The following RFX4 variants were observed in gnomAD, a reference collection of about 807,000 sequenced individuals.
RFX4 encodes regulatory factor X4, also known as transcription factor RFX4.
Under a neutral mutation model 95.0 loss-of-function variants are expected in RFX4, and 10 were observed. That is an observed-to-expected ratio of 0.11 (90% confidence interval 0.06 to 0.18). The LOEUF (loss-of-function observed/expected upper bound fraction) is 0.18, where lower values mean the gene tolerates loss of function less well. Among genes scored for constraint, RFX4 ranks in the 10% least tolerant of loss-of-function variants. The probability of loss-of-function intolerance (pLI) is 1.00; values close to 1 mark genes in which losing one functional copy is unlikely to be tolerated. For synonymous variants in RFX4, 321 were observed against 340.7 expected (o/e 0.94, Z 0.64); for missense variants, 640 against 922.0 (o/e 0.69, Z 3.96).
chr12:106,690,604 GCTCCT>G (rs2041761091), intron 7 of RFX4, among the ~76,000 whole-genome samples: 1 of 152,008 alleles, frequency 6.6e-6, no homozygotes, highest in Non-Finnish European at 1.5e-5. Flanking sequence ...AGGGACTCAG[GCTCCT>G]TCCACCCTGC....
At chr12:106,731,804 A>G (rs2042616723) in intron 13 of RFX4, among the ~76,000 whole-genome samples, 1 of 152,176 alleles carries the variant, frequency 6.6e-6, no homozygotes, top group South Asian at 2.1e-4. Flanking sequence ...TGCTCACATG[A>G]GGATGAGGCC....
chr12:106,644,482 C>A (rs2040701909), intron 3 of RFX4, among the ~76,000 whole-genome samples: 1 of 152,166 alleles, frequency 6.6e-6, no homozygotes, highest in African/African-American at 2.4e-5. Context: ...ATCCACCGGC[C>A]TCAGCCTCCC....
At chr12:106,678,491 GA>G (rs927035088) in intron 4 of RFX4, among the ~76,000 whole-genome samples, 22 of 152,062 alleles carry the variant, frequency 1.4e-4, no homozygotes, top group Middle Eastern at 6.8e-3. Flanking sequence ...AGGAAAGAAA[GA>G]AAAAAATAAC....
intron 4 of RFX4, among the ~76,000 whole-genome samples, chr12:106,665,136 A>G (rs946398926): frequency 5.9e-5 from 9 of 151,728 alleles, no homozygotes; most frequent in South Asian, 2.1e-4. Flanking sequence ...TTGCAGTTCT[A>G]TTAGTTTTGG....
intron 1 of RFX4, among the ~76,000 whole-genome samples, chr12:106,598,942 A>C (rs991997864): frequency 6.6e-6 from 1 of 152,228 alleles, no homozygotes; most frequent in African/African-American, 2.4e-5. Context: ...AAGTTGAGGG[A>C]AAATGAAATT....
chr12:106,736,786 G>A (rs1003629529), intron 15 of RFX4, among the ~76,000 whole-genome samples: 1 of 152,050 alleles, frequency 6.6e-6, no homozygotes, highest in Non-Finnish European at 1.5e-5. Context: ...CTCTGGTTCA[G>A]GCCACCCCCA....
At chr12:106,625,046 A>G (rs192780797) in intron 2 of RFX4, among the ~76,000 whole-genome samples, 2 of 152,240 alleles carry the variant, frequency 1.3e-5, no homozygotes, top group African/African-American at 4.8e-5. Flanking sequence ...GGAATGGGAG[A>G]CTATTCAGTT....
chr12:106,619,584 T>C (rs769913201), intron 2 of RFX4, among the ~76,000 whole-genome samples: 35 of 152,332 alleles, frequency 2.3e-4, no homozygotes, highest in Non-Finnish European at 4.1e-4. Flanking sequence ...TTGTTTTTAT[T>C]CTTCTTGGGG....
At chr12:106,649,539 C>T (rs1279722181) in intron 3 of RFX4, among the ~76,000 whole-genome samples, 7 of 152,152 alleles carry the variant, frequency 4.6e-5, no homozygotes, top group Admixed American at 4.6e-4. Context: ...CCTGTGTGAA[C>T]CATGACTTAC....
chr12:106,669,133 AG>A (rs2041232966), intron 4 of RFX4, among the ~76,000 whole-genome samples: 1 of 152,192 alleles, frequency 6.6e-6, no homozygotes, highest in South Asian at 2.1e-4. Context: ...CTCAGAGATC[AG>A]TTGATGCAAT....
intron 2 of RFX4, 37 bp from the exon 3 acceptor site, chr12:106,639,294 TC>T: frequency 6.3e-7 from 1 of 1,581,592 alleles, no homozygotes; most frequent in Non-Finnish European, 8.6e-7. Flanking sequence ...TCCTACTGTT[TC>T]CTACTGAAGT....
chr12:106,687,017 C>G lies in RFX4; in HGVS notation c.511C>G (p.Arg171Gly). ...CAAACAGACAGTGGCATATTCACCCCGGTCCAAACTCGGAACACTGCTGCC... is the reference window on the plus strand; with the variant it reads ...CAAACAGACAGTGGCATATTCACCCGGGTCCAAACTCGGAACACTGCTGCC... ...VSKQTVAYSP[R>G]SKLGTLLPEF... is the part of the protein sequence containing the mutation. The change falls in exon 6 of 18, where the codon CGG (arginine) becomes GGG (glycine). Residue 171 changes from arginine to glycine, a missense_variant. Arg to Gly is a moderately radical substitution (Grantham distance 125). This residue lies in a region of RFX4 where 89 missense variants were observed against 173.8 expected (regional missense o/e 0.51). Transcript: ENST00000392842. 1 of 1,613,980 alleles carries G rather than the reference C, an allele frequency of 6.2e-7. No individual in the cohort carries two copies. Among genetic ancestry groups the G allele is most frequent in the Non-Finnish European group, 8.5e-7 (1 of 1,179,984 alleles).
intron 9 of RFX4, 89 bp downstream of exon 9, chr12:106,709,519 A>T (rs1167471674): frequency 4.3e-6 from 4 of 924,958 alleles, no homozygotes; most frequent in East Asian, 5.2e-5. Context: ...AGCAGCAGCT[A>T]CTGTTTACTG....
chr12:106,686,792 C>T (rs2041660737), intron 5 of RFX4, 92 bp from the exon 6 acceptor site: 6 of 1,234,186 alleles, frequency 4.9e-6, no homozygotes, highest in Admixed American at 2.0e-5. Flanking sequence ...GGGCAACACT[C>T]CCTACTCAGG....
At chr12:106,711,341 A>T in intron 9 of RFX4, 112 bp from the exon 10 acceptor site, 1 of 893,928 alleles carries the variant, frequency 1.1e-6, no homozygotes, top group Non-Finnish European at 1.8e-6. Context: ...TTGGGCAGTG[A>T]GATAAACGTA....
intron 3 of RFX4, among the ~76,000 whole-genome samples, chr12:106,652,098 C>G (rs1420197780): frequency 6.6e-6 from 1 of 152,170 alleles, no homozygotes; most frequent in African/African-American, 2.4e-5. Context: ...CCTAAGAAAC[C>G]TATTCTTTAT....
At chr12:106,661,159 C>T (rs1305713883) in intron 4 of RFX4, among the ~76,000 whole-genome samples, 3 of 152,162 alleles carry the variant, frequency 2.0e-5, no homozygotes, top group Non-Finnish European at 2.9e-5. Flanking sequence ...GTCCTTTTCC[C>T]TCTCTGAACC....
intron 4 of RFX4, among the ~76,000 whole-genome samples, chr12:106,663,234 A>G (rs1261485762): frequency 1.3e-5 from 2 of 151,964 alleles, no homozygotes; most frequent in Non-Finnish European, 2.9e-5. Flanking sequence ...GATTTAGTTC[A>G]TCAGAATTTT....
At position 106,689,374 on chromosome 12, in the gene RFX4, C is replaced by A; in HGVS notation, c.669+10C>A. Reference sequence around the variant, plus strand: ...AGCCAACTTTGATGAGGTAGGTCAACAAGGGTTGAGCTGTGAATACTCGGT... The same window carrying A: ...AGCCAACTTTGATGAGGTAGGTCAAAAAGGGTTGAGCTGTGAATACTCGGT... On this transcript the variant is annotated intron_variant, in intron 7 of 17. Transcript: ENST00000392842. 1.9e-6 allele frequency: 3 copies of A among 1,602,882 alleles called. No homozygotes were observed. Among genetic ancestry groups the A allele is most frequent in the Admixed American group, 1.7e-5 (1 of 60,010 alleles).
Sources: gnomAD v4.1 joint callset for allele counts (sites outside exome capture counted in the v4.1 genomes callset) on GRCh38, gnomAD v4.1.1 for gene constraint, gnomAD v4.1.1 regional missense constraint, MANE v1.5 for transcripts, NCBI Gene and HGNC (gene_info 2026-07-23, HGNC 2026-07-21) for gene names.